The following CNNM1 variants were observed in gnomAD, a reference collection of about 807,000 sequenced individuals.
The protein encoded by CNNM1 is cyclin and CBS domain divalent metal cation transport mediator 1.
A neutral mutation model predicts 78.8 loss-of-function variants in CNNM1; 44 were observed. The observed-to-expected ratio is 0.56, with a 90% CI of 0.44 to 0.72. The LOEUF (loss-of-function observed/expected upper bound fraction) is 0.72, where lower values mean the gene tolerates loss of function less well. Ranked by LOEUF, CNNM1 falls within the 30% of genes least tolerant of loss-of-function variation. The pLI is 0.00. For synonymous variants in CNNM1, 584 were observed against 581.5 expected (o/e 1.00, Z -0.06); for missense variants, 1,101 against 1,292.2 (o/e 0.85, Z 2.27).
intron 7 of CNNM1, among the ~76,000 whole-genome samples, chr10:99,379,243 A>G (rs1211295264): frequency 6.6e-6 from 1 of 152,250 alleles, no homozygotes; most frequent in Non-Finnish European, 1.5e-5. Flanking sequence ...TGAAGACAGC[A>G]AGCTGCTGCC....
intron 6 of CNNM1, among the ~76,000 whole-genome samples, chr10:99,375,377 A>G (rs2031930170): frequency 6.6e-6 from 1 of 152,194 alleles, no homozygotes. Context: ...CGATGGGCTC[A>G]TTATGTCAGA....
intron 7 of CNNM1, among the ~76,000 whole-genome samples, chr10:99,380,015 C>T (rs1315647998): frequency 7.5e-6 from 1 of 132,902 alleles, no homozygotes; most frequent in Non-Finnish European, 1.6e-5. Context: ...AGGAAGTAAA[C>T]TCTCTCTTTT....
chr10:99,330,868 C>T lies in CNNM1; in HGVS notation c.1481C>T (p.Pro494Leu). 1.2e-6 allele frequency: 2 copies of T among 1,614,168 alleles called. No individual in the cohort carries two copies. The highest frequency in any genetic ancestry group is 1.7e-6 in the Non-Finnish European group (2 of 1,180,026). The change falls in exon 1 of 11, where the codon CCG becomes CTG. Residue 494 changes from proline (P) to leucine (L), a missense_variant. By Grantham distance (98) the Pro-to-Leu change is moderately conservative (BLOSUM62 -3). Coordinates refer to ENST00000356713, the MANE Select transcript of CNNM1 (RefSeq NM_020348.3). ...LAFVDPDDCT[P>L]LLTVTRFYNR... is the part of the protein sequence containing the mutation. ...TTCGTGGACCCCGACGACTGCACCC[C>T]GCTCCTCACTGTCACCCGCTTCTAC...
Position 99,391,419 on chromosome 10 carries a change from G to A in CNNM1, c.2777-18G>A. On this transcript the variant is annotated intron_variant, in intron 10 of 10. Coordinates refer to ENST00000356713, the MANE Select transcript of CNNM1 (RefSeq NM_020348.3). ...CCTCCAGTGTTACAGGCTGATACTT[G>A]CAACTTGTTTTTTTCAGGTGGCCAA... 1.2e-6 allele frequency: 2 copies of A among 1,606,154 alleles called. No homozygotes were observed. The highest frequency in any genetic ancestry group is 1.7e-6 in the Non-Finnish European group (2 of 1,173,264).
rs1351296888 is a variant in CNNM1 at position 99,329,524 on chromosome 10, G to A, written c.137G>A (p.Arg46Gln). 1 of 1,511,130 alleles carries A rather than the reference G, an allele frequency of 6.6e-7. No homozygotes were observed. Among genetic ancestry groups the A allele is most frequent in the Non-Finnish European group, 8.8e-7 (1 of 1,137,356 alleles). The allele number at this position is 1,511,130 out of a possible 1,614,324, so 93.6% of individuals were successfully genotyped here. A position where few individuals can be genotyped will look rare whatever the true frequency, so the allele number is the denominator to read the frequency against. Residue 46 changes from arginine (R) to glutamine (Q), a missense_variant, in exon 1 of 11, where the codon CGG (arginine) becomes CAG (glutamine). Arg to Gln is a conservative substitution (Grantham distance 43, BLOSUM62 1). Transcript: ENST00000356713. ...GCCGCCGCCTGGCTGCTGGGCCTGC[G>A]GCCCGAGGACACTGCTGGAGGCCGC... is the stretch of plus-strand genomic sequence containing the variant. ...PAAAAWLLGL[R>Q]PEDTAGGRVS...
chr10:99,365,585 C>T (rs985105189), intron 6 of CNNM1, among the ~76,000 whole-genome samples: 3 of 152,220 alleles, frequency 2.0e-5, no homozygotes, highest in Non-Finnish European at 4.4e-5. Flanking sequence ...CTGGTTTGCT[C>T]TGCCCTTTCT....
In CNNM1 at chr10:99,364,767, G is replaced by C. The variant is rs553813069; in HGVS notation, c.2129-188G>C. Among the ~76,000 whole-genome samples the C allele has an allele frequency of 2.6e-5, 4 of 152,274 alleles. No homozygotes were observed. The South Asian group carries it at 8.3e-4, about 32-fold the overall frequency. On this transcript the variant is annotated intron_variant, in intron 5 of 10. Coordinates refer to ENST00000356713, the MANE Select transcript of CNNM1 (RefSeq NM_020348.3). ...AATATTGTCAAGTGTTAGGGATCTA[G>C]GGTGGTAGATTTCAGTATGAAAAGA...
At chr10:99,381,019 G>A (rs763342699) in intron 7 of CNNM1, among the ~76,000 whole-genome samples, 2 of 152,146 alleles carry the variant, frequency 1.3e-5, no homozygotes, top group Non-Finnish European at 2.9e-5. Flanking sequence ...GTGCAGCTGA[G>A]CAGCACAAAA....
chr10:99,355,611 C>A (rs1332609058), intron 1 of CNNM1, among the ~76,000 whole-genome samples: 1 of 152,098 alleles, frequency 6.6e-6, no homozygotes, highest in African/African-American at 2.4e-5. Context: ...AGAAAACAAA[C>A]CAATATGAAG....
intron 1 of CNNM1, among the ~76,000 whole-genome samples, chr10:99,332,387 C>T (rs2029959710): frequency 6.6e-6 from 1 of 152,150 alleles, no homozygotes; most frequent in African/African-American, 2.4e-5. Context: ...GCAGTACTCT[C>T]ATTTAACTGC....
Position 99,357,522 on chromosome 10 carries a change from C to A in CNNM1, c.1584C>A (p.His528Gln). 6.2e-7 allele frequency: 1 copy of A among 1,612,334 alleles called. No homozygotes were observed. Among genetic ancestry groups the A allele is most frequent in the Non-Finnish European group, 8.5e-7 (1 of 1,179,328 alleles). The change falls in exon 2 of 11, where the codon CAC (histidine) becomes CAA (glutamine). Residue 528 changes from histidine to glutamine, a missense_variant. Around this residue, in one of 3 missense-constraint regions of CNNM1, gnomAD observed 277 missense variants for 423.2 expected, o/e 0.65. Coordinates refer to ENST00000356713, the MANE Select transcript of CNNM1 (RefSeq NM_020348.3). ...TCATTTGTTCTCTAGGAAAATCTCA[C>A]CTGGCCATTGTCCAGCGGGTGAATA... ...VLEEFKKGKS[H>Q]LAIVQRVNNE... is the part of the protein sequence containing the mutation.
At chr10:99,379,474 AG>A (rs2032073014) in intron 7 of CNNM1, among the ~76,000 whole-genome samples, 1 of 152,194 alleles carries the variant, frequency 6.6e-6, no homozygotes, top group South Asian at 2.1e-4. Context: ...TGAATGTTCA[AG>A]ATGGAAACAA....
chr10:99,368,538 A>G, intron 6 of CNNM1: 1 of 891,476 alleles, frequency 1.1e-6, no homozygotes, highest in Non-Finnish European at 1.6e-6. Context: ...TGTCTCACCC[A>G]CTTTGTTCTT....
In CNNM1 at chr10:99,366,781, A is replaced by C. The variant is rs572010495; in HGVS notation, c.2176+1779A>C. On this transcript the variant is annotated intron_variant, in intron 6 of 10. Coordinates refer to ENST00000356713, the MANE Select transcript of CNNM1 (RefSeq NM_020348.3). ...TGGCTACAGAGCAAGATTCCATCTC[A>C]AAAAAAAAATTGTTTTAAGTAGAAG... Among the ~76,000 whole-genome samples, 6 of 150,036 alleles carry C rather than the reference A, an allele frequency of 4.0e-5. No individual in the cohort carries two copies. In the East Asian group the frequency reaches 1.2e-3, roughly 29 times the overall value.
At chr10:99,357,795 C>T (rs1459298431) in intron 2 of CNNM1, 140 bp downstream of exon 2, 1 of 723,292 alleles carries the variant, frequency 1.4e-6, no homozygotes. Flanking sequence ...ATGCCAGGTG[C>T]TGCTGTGGCA....
chr10:99,369,598 C>A (rs193223905), intron 6 of CNNM1, among the ~76,000 whole-genome samples: 19 of 152,272 alleles, frequency 1.2e-4, no homozygotes, highest in African/African-American at 4.3e-4. Flanking sequence ...ATGTTGACTT[C>A]TGTTTTTTCC....
At chr10:99,337,503 C>T (rs2030242983) in intron 1 of CNNM1, among the ~76,000 whole-genome samples, 1 of 152,232 alleles carries the variant, frequency 6.6e-6, no homozygotes, top group African/African-American at 2.4e-5. Flanking sequence ...TATGCTTTGC[C>T]TGACTAATTC....
At position 99,388,021 on chromosome 10, in the gene CNNM1, A is replaced by C; in HGVS notation, c.2524+18A>C. 6.3e-7 allele frequency: 1 copy of C among 1,579,108 alleles called. No homozygotes were observed. The highest frequency in any genetic ancestry group is 8.6e-7 in the Non-Finnish European group (1 of 1,161,884). Reference sequence around the variant, plus strand: ...CCTGCCGTGTAAGTCAGCTGGGCAGACGGGCAGGCTGGGCTGGTGTGGGGT... The same window carrying C: ...CCTGCCGTGTAAGTCAGCTGGGCAGCCGGGCAGGCTGGGCTGGTGTGGGGT... On this transcript the variant is annotated intron_variant, in intron 8 of 10. Transcript: ENST00000356713.
chr10:99,356,585 AAAG>A (rs2031205170), intron 1 of CNNM1, among the ~76,000 whole-genome samples: 6 of 115,936 alleles, frequency 5.2e-5, no homozygotes, highest in Admixed American at 1.6e-4. Context: ...AGAAAGAAAG[AAAG>A]AAAGAAAGAA....
Sources: gnomAD v4.1 joint callset for allele counts (sites outside exome capture counted in the v4.1 genomes callset) on GRCh38, gnomAD v4.1.1 for gene constraint, gnomAD v4.1.1 regional missense constraint, MANE v1.5 for transcripts, NCBI Gene and HGNC (gene_info 2026-07-23, HGNC 2026-07-21) for gene names.